The following KIAA0232 variants were observed in gnomAD, a reference collection of about 807,000 sequenced individuals.
The protein encoded by KIAA0232 is KIAA0232.
Under a neutral mutation model 122.0 loss-of-function variants are expected in KIAA0232, and 27 were observed. The ratio of observed to expected loss-of-function variants is 0.22; its 90% CI spans 0.16 to 0.31. The LOEUF is 0.31. KIAA0232 is among the 10% of genes least tolerant of loss of function. The pLI, the probability that KIAA0232 is intolerant of heterozygous loss-of-function variation, is 1.00. For missense variants in KIAA0232, 1,551 were observed against 1,634.2 expected (o/e 0.95, Z 0.88); for synonymous variants, 613 against 587.6 (o/e 1.04, Z -0.63).
chr4:6,797,057 C>A (rs940791565), intron 1 of KIAA0232, among the ~76,000 whole-genome samples: 1 of 152,188 alleles, frequency 6.6e-6, no homozygotes, highest in Non-Finnish European at 1.5e-5. Context: ...AGTGTAGTAT[C>A]AGGCAGATTG....
intron 8 of KIAA0232, among the ~76,000 whole-genome samples, chr4:6,874,198 A>C (rs552232986): frequency 1.3e-5 from 2 of 152,338 alleles, no homozygotes; most frequent in Admixed American, 1.3e-4. Context: ...TGGGTTAGGC[A>C]CTGTTCTAGA....
chr4:6,786,505 C>T (rs1471727522), intron 1 of KIAA0232, among the ~76,000 whole-genome samples: 1 of 152,042 alleles, frequency 6.6e-6, no homozygotes, highest in Non-Finnish European at 1.5e-5. Context: ...AACGGGTCTC[C>T]CTGTGTTGCC....
chr4:6,819,297 A>G (rs1421544770), intron 2 of KIAA0232, among the ~76,000 whole-genome samples: 2 of 152,196 alleles, frequency 1.3e-5, no homozygotes, highest in African/African-American at 4.8e-5. Context: ...CAGTATTAAT[A>G]GATACACCAT....
intron 9 of KIAA0232, among the ~76,000 whole-genome samples, chr4:6,878,504 C>T (rs1212179081): frequency 1.3e-4 from 20 of 152,212 alleles, no homozygotes; most frequent in Non-Finnish European, 5.9e-5. Flanking sequence ...CATGCACAAA[C>T]GTGTTTTTAA....
intron 6 of KIAA0232, among the ~76,000 whole-genome samples, chr4:6,860,014 C>T (rs1049747039): frequency 1.3e-5 from 2 of 152,188 alleles, no homozygotes; most frequent in South Asian, 4.1e-4. Context: ...TCAGGCCTCA[C>T]AGGTAGTACT....
chr4:6,848,173 C>T (rs187639475), intron 4 of KIAA0232, among the ~76,000 whole-genome samples: 1 of 152,326 alleles, frequency 6.6e-6, no homozygotes, highest in African/African-American at 2.4e-5. Flanking sequence ...CTTATATTCT[C>T]ACATTGAGCT....
intron 4 of KIAA0232, among the ~76,000 whole-genome samples, chr4:6,849,204 G>A (rs1720137388): frequency 6.6e-6 from 1 of 152,220 alleles, no homozygotes; most frequent in African/African-American, 2.4e-5. Flanking sequence ...GGGTCCAGGA[G>A]GCAGATGGCT....
At chr4:6,808,414 T>G (rs912701761) in intron 2 of KIAA0232, among the ~76,000 whole-genome samples, 1 of 149,750 alleles carries the variant, frequency 6.7e-6, no homozygotes, top group Non-Finnish European at 1.5e-5. Flanking sequence ...GTATGAACTT[T>G]GTAGTGAGAA....
In KIAA0232 at chr4:6,881,050, A is replaced by G. The variant is rs1167211825; in HGVS notation, c.*84A>G. ...CAGTGAGACCTGTTAATCTAAAACA[A>G]CAACTTAGGTTTCCTCTTCAATTAA... On this transcript the variant is annotated 3_prime_UTR_variant, in exon 10 of 10. Coordinates refer to ENST00000307659, the MANE Select transcript of KIAA0232 (RefSeq NM_014743.3). 4 of 997,884 alleles carry G rather than the reference A, an allele frequency of 4.0e-6. No individual in the cohort carries two copies. Among genetic ancestry groups the G allele is most frequent in the Non-Finnish European group, 5.4e-6 (4 of 737,294 alleles). The allele number at this position is 997,884 out of a possible 1,614,324, so 61.8% of individuals were successfully genotyped here. A position where few individuals can be genotyped will look rare whatever the true frequency, so the allele number is the denominator to read the frequency against.
intron 7 of KIAA0232, among the ~76,000 whole-genome samples, chr4:6,866,686 C>T (rs758706464): frequency 2.0e-5 from 3 of 152,070 alleles, no homozygotes; most frequent in Non-Finnish European, 4.4e-5. Context: ...GTAGGATTTC[C>T]GATAGAACTG....
intron 4 of KIAA0232, among the ~76,000 whole-genome samples, chr4:6,852,573 A>T (rs1720350184): frequency 6.6e-6 from 1 of 152,158 alleles, no homozygotes; most frequent in African/African-American, 2.4e-5. Flanking sequence ...ACTGTAAAAG[A>T]GCTCCATGTG....
At chr4:6,800,097 G>A (rs1256560480) in intron 1 of KIAA0232, among the ~76,000 whole-genome samples, 2 of 99,798 alleles carry the variant, frequency 2.0e-5, no homozygotes, top group South Asian at 3.5e-4. Context: ...TCACTCTGTC[G>A]CCCCGGTTAG....
intron 7 of KIAA0232, among the ~76,000 whole-genome samples, chr4:6,868,512 G>A (rs1721302144): frequency 6.6e-6 from 1 of 152,190 alleles, no homozygotes; most frequent in South Asian, 2.1e-4. Context: ...GGCGGTGTGA[G>A]AGCAGGCTTC....
Position 6,862,199 on chromosome 4 carries a change from T to G in KIAA0232, c.1817T>G (p.Phe606Cys), listed in dbSNP as rs757211576. 9.9e-6 allele frequency: 16 copies of G among 1,614,054 alleles called. No individual in the cohort carries two copies. Residue 606 changes from phenylalanine (F) to cysteine (C), a missense_variant, in exon 7 of 10, where the codon TTT (phenylalanine) becomes TGT (cysteine). Physicochemically the swap from Phe to Cys is radical, Grantham distance 205 (BLOSUM62 -2). Transcript: ENST00000307659. ...SSSGDADGESFGGDSPVRLSP... is the reference protein window; with the variant it reads ...SSSGDADGESCGGDSPVRLSP... The stretch of plus-strand genomic sequence containing the variant: ...TCCGGTGATGCTGATGGGGAGAGTT[T>G]TGGAGGAGACTCTCCAGTTAGACTC...
chr4:6,817,377 C>T (rs553783194), intron 2 of KIAA0232, among the ~76,000 whole-genome samples: 7 of 152,224 alleles, frequency 4.6e-5, no homozygotes, highest in African/African-American at 7.2e-5. Context: ...CCACCATGCC[C>T]GGCTAATTTT....
At chr4:6,791,065 T>A (rs1399671805) in intron 1 of KIAA0232, among the ~76,000 whole-genome samples, 1 of 151,136 alleles carries the variant, frequency 6.6e-6, no homozygotes, top group Non-Finnish European at 1.5e-5. Flanking sequence ...ACTACAGGTG[T>A]GTGCCACCAT....
chr4:6,879,467 C>A (rs888906940), intron 9 of KIAA0232, among the ~76,000 whole-genome samples: 1 of 152,198 alleles, frequency 6.6e-6, no homozygotes, highest in African/African-American at 2.4e-5. Flanking sequence ...GCCTCTACAG[C>A]CCTGTATGTT....
intron 1 of KIAA0232, among the ~76,000 whole-genome samples, chr4:6,803,489 G>A (rs989599207): frequency 1.3e-5 from 2 of 152,106 alleles, no homozygotes; most frequent in Admixed American, 6.6e-5. Flanking sequence ...CAGTAGTTAC[G>A]TAGTTACTGG....
rs1328881270 is a variant in KIAA0232, at chr4:6,855,631, C to G, written c.370-1533C>G. On this transcript the variant is annotated intron_variant, in intron 4 of 9. Transcript: ENST00000307659. This position sits in a 1 kb window ranked among gnomAD's most constrained non-coding sequence, Gnocchi z 4.3. ...GTGTATATGTAATTAATTTCTAAGA[C>G]AAAGCATGAAAAAATACGTAGTCAC... 6.6e-6 allele frequency among the ~76,000 whole-genome samples: 1 copy of G among 151,934 alleles called. No homozygotes were observed. The highest frequency in any genetic ancestry group is 1.5e-5 in the Non-Finnish European group (1 of 67,996).
Sources: allele counts gnomAD v4.1 joint callset (sites outside exome capture counted in the v4.1 genomes callset), GRCh38; gene constraint gnomAD v4.1.1; non-coding constraint Gnocchi (gnomAD v3.1); transcripts MANE v1.5; gene names NCBI Gene and HGNC (gene_info 2026-07-23, HGNC 2026-07-21).